Variants in PUDP observed in about 807,000 individuals in gnomAD.
The protein encoded by PUDP is pseudouridine 5'-phosphatase.
PUDP carries 8 observed loss-of-function variants against 9.4 expected under a neutral mutation model. The observed-to-expected ratio is 0.85, with a 90% confidence interval of 0.50 to 1.53. The LOEUF is 1.53. PUDP is among the 40% of genes most tolerant of loss of function. PUDP has a pLI of 0.00. For synonymous variants in PUDP, 99 were observed against 80.7 expected (o/e 1.23, Z -1.22); for missense variants, 188 against 189.7 (o/e 0.99, Z 0.05).
intron 3 of PUDP, among the ~76,000 whole-genome samples, chrX:6,753,017 C>T (rs1435250293): frequency 9.1e-6 from 1 of 110,360 alleles, no homozygotes; most frequent in Non-Finnish European, 1.9e-5. Context: ...TTTTTAAGTG[C>T]CTAGACATTT....
intron 1 of PUDP, among the ~76,000 whole-genome samples, chrX:7,117,854 A>G (rs766555563): frequency 2.2e-4 from 25 of 113,151 alleles, no homozygotes; most frequent in South Asian, 1.8e-3. Context: ...AGCCACGCCC[A>G]GGGCCCAGCT....
At chrX:7,088,059 A>C (rs1931316352) in intron 2 of PUDP, among the ~76,000 whole-genome samples, 1 of 112,277 alleles carries the variant, frequency 8.9e-6, no homozygotes, top group South Asian at 3.7e-4. Flanking sequence ...AATTCAAACC[A>C]CTGATCAATG....
At chrX:6,906,281 G>A (rs779417331) in intron 3 of PUDP, among the ~76,000 whole-genome samples, 18 of 110,868 alleles carry the variant, frequency 1.6e-4, no homozygotes, top group Non-Finnish European at 2.8e-4. Context: ...AATAATTGAC[G>A]ACAACAGGCA....
At position 7,118,459 on chromosome X, in the gene PUDP, T is replaced by A. The variant is rs1456129276; in HGVS notation, c.62-12621A>T. Reference sequence around the variant, plus strand: ...AACTAGGAGAAAACCCAAACCTACCTGGTTCAAAATTTAACGGTATGGTTT... The same window carrying A: ...AACTAGGAGAAAACCCAAACCTACCAGGTTCAAAATTTAACGGTATGGTTT... On this transcript the variant is annotated intron_variant, in intron 1 of 3. Coordinates refer to ENST00000381077, the MANE Select transcript of PUDP (RefSeq NM_012080.5). Among the ~76,000 whole-genome samples, 5 of 112,356 alleles carry A rather than the reference T, an allele frequency of 4.5e-5. No individual in the cohort carries two copies. The South Asian group carries it at 1.8e-3, about 41-fold the overall frequency.
chrX:7,113,938 C>T (rs1173148309), intron 1 of PUDP, among the ~76,000 whole-genome samples: 1 of 111,418 alleles, frequency 9.0e-6, no homozygotes. Context: ...AGAAGTCCAA[C>T]GTCGAGGGGA....
At chrX:6,922,959 G>A (rs180982620) in intron 3 of PUDP, among the ~76,000 whole-genome samples, 3 of 111,744 alleles carry the variant, frequency 2.7e-5, no homozygotes, top group African/African-American at 6.5e-5. Flanking sequence ...ATCTAAAATC[G>A]TGTTGCCACT....
intron 1 of PUDP, among the ~76,000 whole-genome samples, chrX:7,120,685 T>G: frequency 8.9e-6 from 1 of 112,397 alleles, no homozygotes; most frequent in East Asian, 2.8e-4. Context: ...AAGCCTATGT[T>G]TACACAAAGA....
intron 1 of PUDP, among the ~76,000 whole-genome samples, chrX:7,123,731 A>T (rs145331657): frequency 0.041 from 4,632 of 111,989 alleles, 226 homozygotes; most frequent in African/African-American, 0.14. Flanking sequence ...GAGCTGAAGT[A>T]GCTATAGTAA....
intron 3 of PUDP, among the ~76,000 whole-genome samples, chrX:7,061,909 T>C (rs1350350448): frequency 4.5e-5 from 5 of 111,791 alleles, no homozygotes. Context: ...TTACAAAAAA[T>C]TCACTATGAA....
intron 1 of PUDP, among the ~76,000 whole-genome samples, chrX:7,011,181 G>A (rs189417121): frequency 2.7e-5 from 3 of 112,000 alleles, no homozygotes; most frequent in African/African-American, 9.8e-5. Flanking sequence ...GCCAATTGCA[G>A]ACAATGGGGA....
intron 3 of PUDP, among the ~76,000 whole-genome samples, chrX:6,850,323 C>T (rs898288298): frequency 7.1e-5 from 8 of 111,964 alleles, no homozygotes; most frequent in African/African-American, 2.6e-4. Context: ...AGCTTTGCTG[C>T]AGCTACATTT....
chrX:6,774,979 A>T (rs970529706), intron 3 of PUDP, among the ~76,000 whole-genome samples: 3 of 112,225 alleles, frequency 2.7e-5, no homozygotes, highest in Non-Finnish European at 5.6e-5. Flanking sequence ...AATGTACATA[A>T]CATTCAATTA....
At chrX:6,848,638 G>T (rs1926783130) in intron 3 of PUDP, among the ~76,000 whole-genome samples, 1 of 112,190 alleles carries the variant, frequency 8.9e-6, no homozygotes, top group African/African-American at 3.2e-5. Context: ...TGTCCCGGAG[G>T]TGGGGCTTGG....
At chrX:6,767,167 G>C (rs1360898013) in intron 3 of PUDP, among the ~76,000 whole-genome samples, 10 of 113,211 alleles carry the variant, frequency 8.8e-5, no homozygotes, top group Non-Finnish European at 1.5e-4. Flanking sequence ...TTGTAAGGCA[G>C]TGGAATTATT....
At chrX:6,808,733 T>C (rs1421943013) in intron 3 of PUDP, among the ~76,000 whole-genome samples, 10 of 112,232 alleles carry the variant, frequency 8.9e-5, no homozygotes, top group Non-Finnish European at 1.9e-4. Flanking sequence ...GAAAGAAAGA[T>C]CTTAAAATAT....
At chrX:6,762,785 T>C (rs1391967803) in intron 3 of PUDP, among the ~76,000 whole-genome samples, 1 of 111,909 alleles carries the variant, frequency 8.9e-6, no homozygotes, top group Non-Finnish European at 1.9e-5. Flanking sequence ...ACAGAGGGAG[T>C]AAAAATCATT....
intron 3 of PUDP, among the ~76,000 whole-genome samples, chrX:6,901,419 C>T (rs1927683581): frequency 8.9e-6 from 1 of 112,242 alleles, no homozygotes; most frequent in South Asian, 3.7e-4. Context: ...AGGACGTCTA[C>T]AGCTGAGTCA....
chrX:6,866,538 T>C lies in PUDP; in HGVS notation c.*247+110595A>G, dbSNP rs765866368. Among the ~76,000 whole-genome samples, 173 of 111,330 alleles carry C rather than the reference T, an allele frequency of 1.6e-3. 2 individuals are homozygous for C. Among genetic ancestry groups the C allele is most frequent in the African/African-American group, 5.2e-3 (161 of 30,695 alleles). ...CGCCCTGTAACAAGTGAGCGCATGT[T>C]GGCCTGCCAGGGTGAGAGAGAGGGG... On this transcript the variant is annotated intron_variant and NMD_transcript_variant, in intron 3 of 3. Coordinates refer to the PUDP transcript ENST00000655425.
chrX:6,858,673 T>G (rs1279672240), intron 3 of PUDP, among the ~76,000 whole-genome samples: 1 of 111,672 alleles, frequency 9.0e-6, no homozygotes, highest in East Asian at 2.8e-4. Context: ...ACTTCCTGAT[T>G]TAGTAAGTTC....
Sources: allele counts gnomAD v4.1 joint callset (sites outside exome capture counted in the v4.1 genomes callset), GRCh38; gene constraint gnomAD v4.1.1; transcripts MANE v1.5; gene names NCBI Gene and HGNC (gene_info 2026-07-23, HGNC 2026-07-21).